TAFA5: variants seen among roughly 807,000 people sequenced by gnomAD.
TAFA5 encodes chemokine-like protein TAFA-5.
A neutral mutation model predicts 15.3 loss-of-function variants in TAFA5; 6 were observed. The observed-to-expected ratio is 0.39, with a 90% CI of 0.21 to 0.77. The LOEUF (loss-of-function observed/expected upper bound fraction) is 0.77. Ranked by LOEUF, TAFA5 falls within the 30% of genes least tolerant of loss-of-function variation. TAFA5 has a pLI of 0.41. For synonymous variants in TAFA5, 103 were observed against 80.7 expected (o/e 1.28, Z -1.48); for missense variants, 161 against 193.1 (o/e 0.83, Z 0.98).
chr22:48,544,835 T>C (rs1384834667), intron 1 of TAFA5: 1 of 471,274 alleles, frequency 2.1e-6, no homozygotes, highest in Admixed American at 2.3e-5. Flanking sequence ...GGTCCCACGC[T>C]GCCTCTGAGG....
At chr22:48,592,133 G>A (rs1260422745) in intron 1 of TAFA5, among the ~76,000 whole-genome samples, 4 of 152,214 alleles carry the variant, frequency 2.6e-5, no homozygotes, top group Non-Finnish European at 4.4e-5. Context: ...CCTGAGCCAC[G>A]GGTGGAGTTG....
At chr22:48,508,334 C>T (rs905367086) in intron 1 of TAFA5, among the ~76,000 whole-genome samples, 2 of 151,848 alleles carry the variant, frequency 1.3e-5, no homozygotes, top group Admixed American at 6.6e-5. Flanking sequence ...AGGGCTGCCG[C>T]CCCCCCAGAG....
intron 1 of TAFA5, among the ~76,000 whole-genome samples, chr22:48,640,312 G>A (rs1926626180): frequency 1.3e-5 from 2 of 152,136 alleles, no homozygotes; most frequent in Non-Finnish European, 2.9e-5. Context: ...CGTCTGAGTG[G>A]GCATGGGGGC....
chr22:48,533,220 T>C (rs1601560103), intron 1 of TAFA5, among the ~76,000 whole-genome samples: 1 of 151,886 alleles, frequency 6.6e-6, no homozygotes, highest in African/African-American at 2.4e-5. Context: ...GTGATTAGGG[T>C]GCAAGGAGCA....
Position 48,552,339 on chromosome 22 carries a change from G to A in TAFA5, c.112+62635G>A, listed in dbSNP as rs944040750. ...GGGCTTCCTGGAGGCAGTGGCAGAA[G>A]TCTGATGGGCTGAAGCCCTCAGGAA... On this transcript the variant is annotated intron_variant, in intron 1 of 3. Transcript: ENST00000402357. The surrounding 1 kb of genome is among the most constrained non-coding windows in gnomAD (Gnocchi z 4.1). Among the ~76,000 whole-genome samples the A allele has an allele frequency of 6.6e-6, 1 of 152,180 alleles. No individual in the cohort carries two copies. The highest frequency in any genetic ancestry group is 1.5e-5 in the Non-Finnish European group (1 of 68,020).
At chr22:48,613,200 C>T (rs1361090905) in intron 1 of TAFA5, among the ~76,000 whole-genome samples, 2 of 152,270 alleles carry the variant, frequency 1.3e-5, no homozygotes, top group East Asian at 1.9e-4. Context: ...TGAGTCACGC[C>T]GTATTCCTCC....
intron 3 of TAFA5, among the ~76,000 whole-genome samples, chr22:48,722,678 A>G (rs1377449291): frequency 6.6e-6 from 1 of 151,430 alleles, no homozygotes; most frequent in Non-Finnish European, 1.5e-5. Flanking sequence ...ACGTTCTGCC[A>G]TGTACCCCAG....
chr22:48,649,586 C>G (rs1283801438), intron 2 of TAFA5, among the ~76,000 whole-genome samples: 3 of 152,198 alleles, frequency 2.0e-5, no homozygotes, highest in Non-Finnish European at 2.9e-5. Context: ...CAGTGGCTCT[C>G]AGGCCTCGGT....
At position 48,626,118 on chromosome 22, in the gene TAFA5, C is replaced by G. The variant is rs73173471; in HGVS notation, c.113-20479C>G. ...TGTTGAAAAGTTTCTTGGTTGCTTCCAGTTTGGGGTGATTTTGAATAAGGC... is the reference window on the plus strand; with the variant it reads ...TGTTGAAAAGTTTCTTGGTTGCTTCGAGTTTGGGGTGATTTTGAATAAGGC... On this transcript the variant is annotated intron_variant, in intron 1 of 3. Transcript: ENST00000402357. Among the ~76,000 whole-genome samples, 4 of 152,280 alleles carry G rather than the reference C, an allele frequency of 2.6e-5. No homozygotes were observed. The South Asian group carries it at 8.3e-4, about 32-fold the overall frequency.
intron 1 of TAFA5, among the ~76,000 whole-genome samples, chr22:48,589,154 G>A (rs941237944): frequency 6.6e-6 from 1 of 152,216 alleles, no homozygotes; most frequent in East Asian, 1.9e-4. Flanking sequence ...TTGCCTTGGG[G>A]ACAACCTTGA....
chr22:48,584,900 T>G lies in TAFA5; in HGVS notation c.113-61697T>G, dbSNP rs556780917. ...AAGCACACCATTCACAAAATACATC[T>G]CACACACACACACCACACACACACA... On this transcript the variant is annotated intron_variant, in intron 1 of 3. Transcript: ENST00000402357. Among the ~76,000 whole-genome samples, 414 of 119,140 alleles carry G rather than the reference T, an allele frequency of 3.5e-3. 1 individual carries two copies. Among genetic ancestry groups the G allele is most frequent in the Non-Finnish European group, 6.1e-3 (349 of 56,970 alleles). 78.2% of individuals were successfully genotyped at this position (119,140 alleles called of 152,430 possible). A position where few individuals can be genotyped will look rare whatever the true frequency, so the allele number is the denominator to read the frequency against.
chr22:48,577,021 C>G (rs1923836635), intron 1 of TAFA5, among the ~76,000 whole-genome samples: 1 of 152,172 alleles, frequency 6.6e-6, no homozygotes, highest in African/African-American at 2.4e-5. Flanking sequence ...GGCTGGGACC[C>G]GCGGACGTCG....
chr22:48,584,213 T>C (rs1924232790), intron 1 of TAFA5, among the ~76,000 whole-genome samples: 1 of 128,042 alleles, frequency 7.8e-6, no homozygotes, highest in African/African-American at 3.1e-5. Context: ...ACACACAAAA[T>C]ACACCACATA....
At chr22:48,585,555 T>A (rs1924319253) in intron 1 of TAFA5, among the ~76,000 whole-genome samples, 1 of 146,060 alleles carries the variant, frequency 6.8e-6, no homozygotes, top group Non-Finnish European at 1.5e-5. Flanking sequence ...ACACTGCTCA[T>A]ACCACACAGC....
rs58754684 is a variant in TAFA5, at chr22:48,688,082, GT to G, written c.263-19628del. Among the ~76,000 whole-genome samples, 230 of 146,474 alleles carry G rather than the reference GT, an allele frequency of 1.6e-3. 1 individual carries two copies. The highest frequency in any genetic ancestry group is 4.8e-3 in the African/African-American group (190 of 39,884). On this transcript the variant is annotated intron_variant, in intron 2 of 3. Transcript: ENST00000402357. ...CTTATTACAGTTGGGGTTTTTTATT[GT>G]TTTTTTGTGTGTTTTGGGGTTTTTT...
Position 48,552,393 on chromosome 22 carries a change from C to A in TAFA5, c.112+62689C>A, listed in dbSNP as rs987957356. Reference sequence around the variant, plus strand: ...TTCTCAGGGGGTCCCGTTTAGGAAACAAATCCCTCTGCTGATGTAGCTGCT... The same window carrying A: ...TTCTCAGGGGGTCCCGTTTAGGAAAAAAATCCCTCTGCTGATGTAGCTGCT... On this transcript the variant is annotated intron_variant, in intron 1 of 3. Transcript: ENST00000402357. The surrounding 1 kb of genome is among the most constrained non-coding windows in gnomAD (Gnocchi z 4.1). Among the ~76,000 whole-genome samples the A allele has an allele frequency of 1.1e-4, 17 of 152,096 alleles. No individual in the cohort carries two copies. Among genetic ancestry groups the A allele is most frequent in the African/African-American group, 4.1e-4 (17 of 41,418 alleles).
chr22:48,508,039 CACTCGGCCCCT>C (rs1478931234), intron 1 of TAFA5, among the ~76,000 whole-genome samples: 1 of 152,066 alleles, frequency 6.6e-6, no homozygotes, highest in Non-Finnish European at 1.5e-5. Flanking sequence ...GGAGAACTGT[CACTCGGCCCCT>C]AGAGCCGCCC....
chr22:48,693,038 G>C (rs1483776311), intron 2 of TAFA5, among the ~76,000 whole-genome samples: 1 of 152,226 alleles, frequency 6.6e-6, no homozygotes, highest in Non-Finnish European at 1.5e-5. Flanking sequence ...GAACTCAGCA[G>C]CGTGTTTGTC....
intron 1 of TAFA5, among the ~76,000 whole-genome samples, chr22:48,629,095 G>A (rs1452952464): frequency 6.6e-6 from 1 of 152,210 alleles, no homozygotes; most frequent in Non-Finnish European, 1.5e-5. Flanking sequence ...CCTGAAGGAA[G>A]GGACCCACCA....
Sources: allele counts gnomAD v4.1 joint callset (sites outside exome capture counted in the v4.1 genomes callset), GRCh38; gene constraint gnomAD v4.1.1; non-coding constraint Gnocchi (gnomAD v3.1); transcripts MANE v1.5; gene names NCBI Gene and HGNC (gene_info 2026-07-23, HGNC 2026-07-21).